KLHL4: variants seen among roughly 807,000 people sequenced by gnomAD.
The protein encoded by KLHL4 is kelch like family member 4.
In KLHL4, 17 loss-of-function variants were observed where a neutral mutation model predicts 45.8. The observed-to-expected ratio is 0.37, with a 90% CI of 0.25 to 0.56. KLHL4 has a LOEUF of 0.56. Ranked by LOEUF, KLHL4 falls within the 20% of genes least tolerant of loss-of-function variation. The probability of loss-of-function intolerance (pLI) is 0.79; values close to 1 mark genes in which losing one functional copy is unlikely to be tolerated. For synonymous variants in KLHL4, 224 were observed against 189.9 expected, an observed-to-expected ratio of 1.18 and a Z score of -1.47; for missense variants, 544 against 544.9, an observed-to-expected ratio of 1.00 and a Z score of 0.02.
chrX:87,585,315 A>G (rs1164105113), intron 1 of KLHL4, among the ~76,000 whole-genome samples: 1 of 111,640 alleles, frequency 9.0e-6, no homozygotes, highest in African/African-American at 3.2e-5. Context: ...CTCACTAATG[A>G]CATTAAGTAA....
In KLHL4 at chrX:87,662,649, G is replaced by T. The variant is rs1411703134; in HGVS notation, c.1926-2115G>T. Among the ~76,000 whole-genome samples, 3 of 111,326 alleles carry T rather than the reference G, an allele frequency of 2.7e-5. No individual in the cohort carries two copies. The South Asian group carries it at 1.1e-3, about 42-fold the overall frequency. On this transcript the variant is annotated intron_variant, in intron 9 of 10. Coordinates refer to ENST00000373119, the MANE Select transcript of KLHL4 (RefSeq NM_019117.5). ...TGTCAGTAGAAAGTCACTTAAAGGG[G>T]CTGGGCGCAGTGGCTCACACCTATA...
chrX:87,549,472 A>G (rs1442303666), intron 1 of KLHL4, among the ~76,000 whole-genome samples: 2 of 111,728 alleles, frequency 1.8e-5, no homozygotes, highest in Non-Finnish European at 3.8e-5. Context: ...CAGAACACAC[A>G]TTCTTTTTTT....
chrX:87,556,296 G>A (rs1931970556), intron 1 of KLHL4, among the ~76,000 whole-genome samples: 1 of 110,135 alleles, frequency 9.1e-6, no homozygotes, highest in Non-Finnish European at 1.9e-5. Context: ...TGATAGACTG[G>A]ATTAAGAAAA....
intron 1 of KLHL4, among the ~76,000 whole-genome samples, chrX:87,609,433 C>G (rs779632775): frequency 9.0e-6 from 1 of 111,589 alleles, no homozygotes; most frequent in Non-Finnish European, 1.9e-5. Context: ...TGTTCCCTGA[C>G]TTTTTAATGA....
intron 9 of KLHL4, among the ~76,000 whole-genome samples, chrX:87,659,959 AGT>A (rs113545604): frequency 0.086 from 8,932 of 103,308 alleles, 342 homozygotes; most frequent in South Asian, 0.14. Context: ...TGCGCGTATG[AGT>A]GTGTGTGTGT....
intron 9 of KLHL4, among the ~76,000 whole-genome samples, chrX:87,662,677 C>A (rs749605523): frequency 3.1e-3 from 348 of 111,191 alleles, no homozygotes; most frequent in Non-Finnish European, 5.3e-3. Context: ...CACCTATAAT[C>A]CCAGCACTTT....
chrX:87,641,705 A>G (rs751818192), intron 9 of KLHL4, among the ~76,000 whole-genome samples: 1 of 111,232 alleles, frequency 9.0e-6, no homozygotes, highest in Admixed American at 9.5e-5. Context: ...GGGGAGAAGC[A>G]TAGTGGGAGT....
intron 1 of KLHL4, among the ~76,000 whole-genome samples, chrX:87,522,951 C>T (rs1217736320): frequency 9.0e-6 from 1 of 111,103 alleles, no homozygotes; most frequent in Non-Finnish European, 1.9e-5. Context: ...TTTAATATTT[C>T]AAAATTTGGG....
intron 1 of KLHL4, among the ~76,000 whole-genome samples, chrX:87,518,986 G>T (rs1288098118): frequency 8.9e-6 from 1 of 111,842 alleles, no homozygotes; most frequent in Non-Finnish European, 1.9e-5. Context: ...TGAATAAACA[G>T]TGACGATATA....
chrX:87,589,896 G>A (rs1921603906), intron 1 of KLHL4, among the ~76,000 whole-genome samples: 1 of 109,334 alleles, frequency 9.1e-6, no homozygotes, highest in South Asian at 4.1e-4. Context: ...AAATTAGCCG[G>A]GCATGGTGGC....
chrX:87,533,760 T>G (rs1290038125), intron 1 of KLHL4, among the ~76,000 whole-genome samples: 1 of 111,262 alleles, frequency 9.0e-6, no homozygotes, highest in African/African-American at 3.3e-5. Context: ...AGCTTAGATC[T>G]TAAAACCTAC....
chrX:87,610,572 C>G (rs1171014310), intron 1 of KLHL4, among the ~76,000 whole-genome samples: 1 of 111,381 alleles, frequency 9.0e-6, no homozygotes, highest in African/African-American at 3.3e-5. Flanking sequence ...CTGAACATTT[C>G]TGCATTTAGA....
chrX:87,534,955 A>AAAGT (rs1475999705), intron 1 of KLHL4, among the ~76,000 whole-genome samples: 1 of 112,023 alleles, frequency 8.9e-6, no homozygotes, highest in Non-Finnish European at 1.9e-5. Context: ...AGTGGAGAAG[A>AAAGT]AAGTTTGATG....
chrX:87,585,100 CA>C (rs947552119), intron 1 of KLHL4, among the ~76,000 whole-genome samples: 1 of 110,015 alleles, frequency 9.1e-6, no homozygotes, highest in African/African-American at 3.3e-5. Context: ...ACAACAATAA[CA>C]AAAAAAACCT....
At chrX:87,583,882 T>G (rs144901699) in intron 1 of KLHL4, among the ~76,000 whole-genome samples, 14 of 111,444 alleles carry the variant, frequency 1.3e-4, no homozygotes, top group Middle Eastern at 4.7e-3. Flanking sequence ...CTTAAGCCAG[T>G]GAATTTTTAC....
chrX:87,662,494 T>C (rs778425312), intron 9 of KLHL4, among the ~76,000 whole-genome samples: 2 of 112,157 alleles, frequency 1.8e-5, no homozygotes, highest in South Asian at 7.4e-4. Flanking sequence ...GGAGTCAGTA[T>C]TTCTACATTG....
chrX:87,548,671 T>C (rs141988195), intron 1 of KLHL4, among the ~76,000 whole-genome samples: 1,580 of 110,465 alleles, frequency 0.014, 28 homozygotes, highest in African/African-American at 0.049. Flanking sequence ...ATTTGATTTA[T>C]TTATGAAAAT....
intron 1 of KLHL4, among the ~76,000 whole-genome samples, chrX:87,518,688 T>C (rs1930941681): frequency 8.9e-6 from 1 of 111,946 alleles, no homozygotes; most frequent in Non-Finnish European, 1.9e-5. Context: ...CTTTCTGACA[T>C]TGTGAGTTAG....
chrX:87,613,770 T>C, intron 1 of KLHL4, 107 bp from the exon 2 acceptor site: 1 of 454,636 alleles, frequency 2.2e-6, no homozygotes, highest in Non-Finnish European at 3.5e-6. Context: ...CTTTAGAAGT[T>C]GGTATGCCTA....
Sources: allele counts gnomAD v4.1 joint callset (sites outside exome capture counted in the v4.1 genomes callset), GRCh38; gene constraint gnomAD v4.1.1; transcripts MANE v1.5; gene names NCBI Gene and HGNC (gene_info 2026-07-23, HGNC 2026-07-21).